The following ODAD2 variants were observed in gnomAD, a reference collection of about 807,000 sequenced individuals.
The protein encoded by ODAD2 is outer dynein arm docking complex subunit 2.
Under a neutral mutation model 106.8 loss-of-function variants are expected in ODAD2, and 89 were observed. The ratio of observed to expected loss-of-function variants is 0.83; its 90% CI spans 0.70 to 0.99. The LOEUF (loss-of-function observed/expected upper bound fraction) is 0.99, where lower values mean the gene tolerates loss of function less well. ODAD2 is among the 50% of genes least tolerant of loss of function. The pLI is 0.00. For synonymous variants in ODAD2, 404 were observed against 436.2 expected, an observed-to-expected ratio of 0.93 and a Z score of 0.92; for missense variants, 1,168 against 1,238.5, an observed-to-expected ratio of 0.94 and a Z score of 0.85.
chr10:27,939,437 C>T (rs1023198090), intron 14 of ODAD2, among the ~76,000 whole-genome samples: 13 of 152,052 alleles, frequency 8.5e-5, no homozygotes, highest in Non-Finnish European at 1.3e-4. Context: ...AAATGCAGGC[C>T]GGGCACGGTG....
intron 16 of ODAD2, among the ~76,000 whole-genome samples, chr10:27,919,907 A>C (rs1451492501): frequency 6.6e-6 from 1 of 152,126 alleles, no homozygotes; most frequent in Non-Finnish European, 1.5e-5. Flanking sequence ...AATTATGAAA[A>C]CTCACTAAAC....
rs200875268 is a variant in ODAD2 at position 27,971,203 on chromosome 10, C to G, written c.1047G>C (p.Arg349Ser). 2 of 1,613,952 alleles carry G rather than the reference C, an allele frequency of 1.2e-6. No individual in the cohort carries two copies. Among genetic ancestry groups the G allele is most frequent in the Non-Finnish European group, 1.7e-6 (2 of 1,179,928 alleles). Residue 349 changes from arginine (R) to serine (S), a missense_variant, in exon 8 of 20, where the codon AGG becomes AGC. Coordinates refer to ENST00000305242, the MANE Select transcript of ODAD2 (RefSeq NM_018076.5). ...AATTAATTTGGTTCTTCTCCAGTGA[C>G]CTTTTGTCTGAACCAGAAATGTCTT... The part of the protein sequence containing the change: ...LRKDISGSDK[R>S]SLEKNQINFW...
chr10:27,899,808 C>T (rs559603498), intron 17 of ODAD2, among the ~76,000 whole-genome samples: 74 of 152,188 alleles, frequency 4.9e-4, no homozygotes, highest in Non-Finnish European at 8.2e-4. Context: ...AAGGAAGCAG[C>T]TCCAGTCAGG....
rs2132900005 is a variant in ODAD2 at position 27,965,136 on chromosome 10, TAGTC to T, written c.1239-3425_1239-3422del. Among the ~76,000 whole-genome samples, 3 of 152,260 alleles carry T rather than the reference TAGTC, an allele frequency of 2.0e-5. No homozygotes were observed. The South Asian group carries it at 6.2e-4, about 32-fold the overall frequency. ...ATGATGGGACATAGGATGAAAGTGA[TAGTC>T]AGTCAATGTCAAAATTGTCAGTGAT... On this transcript the variant is annotated intron_variant, in intron 9 of 19. Transcript: ENST00000305242.
At chr10:27,924,614 G>GAAAAAAA (rs60226782) in intron 16 of ODAD2, among the ~76,000 whole-genome samples, 8 of 12,648 alleles carry the variant, frequency 6.3e-4, no homozygotes, top group African/African-American at 2.1e-3. Context: ...TGATTAGGAG[G>GAAAAAAA]AAAAAAAAAA....
intron 17 of ODAD2, among the ~76,000 whole-genome samples, chr10:27,880,981 T>C (rs1830984287): frequency 6.6e-6 from 1 of 152,144 alleles, no homozygotes; most frequent in African/African-American, 2.4e-5. Flanking sequence ...GTAAGTCCCA[T>C]AGTGAAAAAA....
At chr10:27,821,504 A>G (rs1836607934) in intron 19 of ODAD2, among the ~76,000 whole-genome samples, 1 of 152,208 alleles carries the variant, frequency 6.6e-6, no homozygotes, top group African/African-American at 2.4e-5. Flanking sequence ...TAAGGCACTA[A>G]TTTCTTTAAA....
At chr10:27,820,854 C>T (rs1836554274) in intron 19 of ODAD2, among the ~76,000 whole-genome samples, 1 of 146,032 alleles carries the variant, frequency 6.8e-6, no homozygotes, top group African/African-American at 2.6e-5. Context: ...GTGATCTCAG[C>T]TCACTGCAAC....
chr10:27,985,800 T>C (rs1360514654), intron 3 of ODAD2, among the ~76,000 whole-genome samples: 1 of 150,174 alleles, frequency 6.7e-6, no homozygotes, highest in Admixed American at 6.7e-5. Context: ...AATTTAATTA[T>C]ATATATATTA....
intron 17 of ODAD2, among the ~76,000 whole-genome samples, chr10:27,866,088 C>T (rs1382188193): frequency 6.6e-6 from 1 of 152,176 alleles, no homozygotes; most frequent in Non-Finnish European, 1.5e-5. Flanking sequence ...GTCTTCTATA[C>T]TGTCACTTTA....
At chr10:27,918,070 T>C (rs564708878) in intron 16 of ODAD2, among the ~76,000 whole-genome samples, 129 of 152,008 alleles carry the variant, frequency 8.5e-4, no homozygotes, top group Non-Finnish European at 1.4e-3. Context: ...AACTCCAACT[T>C]AGATAATTCT....
intron 17 of ODAD2, among the ~76,000 whole-genome samples, chr10:27,883,198 T>C (rs1286103464): frequency 1.3e-5 from 2 of 151,930 alleles, no homozygotes; most frequent in African/African-American, 4.8e-5. Context: ...GTAGTAATAT[T>C]AATGCACACA....
intron 16 of ODAD2, among the ~76,000 whole-genome samples, chr10:27,923,613 C>T (rs1844946853): frequency 6.6e-6 from 1 of 151,974 alleles, no homozygotes; most frequent in Non-Finnish European, 1.5e-5. Context: ...TAAAGTAGAT[C>T]TAGAGAATAC....
At chr10:27,991,010 T>C (rs1260361578) in intron 2 of ODAD2, among the ~76,000 whole-genome samples, 4 of 152,214 alleles carry the variant, frequency 2.6e-5, no homozygotes, top group African/African-American at 7.2e-5. Context: ...TGAGCGCTTA[T>C]CCAATTTATA....
intron 7 of ODAD2, among the ~76,000 whole-genome samples, 200 bp from the exon 8 acceptor site, chr10:27,971,513 C>T (rs1447760289): frequency 6.6e-6 from 1 of 152,146 alleles, no homozygotes; most frequent in African/African-American, 2.4e-5. Context: ...TGTTCCTAAA[C>T]TCACACCTCT....
At chr10:27,970,478 A>C (rs557726571) in intron 8 of ODAD2, among the ~76,000 whole-genome samples, 2 of 152,226 alleles carry the variant, frequency 1.3e-5, no homozygotes, top group Admixed American at 6.5e-5. Flanking sequence ...GTGTTTTATC[A>C]TCTTTTCTGC....
At chr10:27,989,909 A>G (rs1398335709) in intron 2 of ODAD2, among the ~76,000 whole-genome samples, 1 of 152,176 alleles carries the variant, frequency 6.6e-6, no homozygotes, top group African/African-American at 2.4e-5. Flanking sequence ...CAAGATTTTG[A>G]AGAGGAAGTT....
At chr10:27,961,429 A>G (rs1261555393) in intron 10 of ODAD2, 139 bp downstream of exon 10, 32 of 840,244 alleles carry the variant, frequency 3.8e-5, no homozygotes, top group East Asian at 3.5e-4. Context: ...CTTGCCCTGC[A>G]CAAACTTAGA....
Position 27,907,702 on chromosome 10 carries a change from G to T in ODAD2, c.2571C>A (p.Ser857Arg). The change falls in exon 17 of 20, where the codon AGC becomes AGA. Residue 857 changes from serine to arginine, a missense_variant. Transcript: ENST00000305242. ...LKNPHPDVKA[S>R]AAWALCPCIK... ...TGCATGGACAGAGTGCCCATGCTGC[G>T]CTGGCCTTCACGTCTGGGTGAGGAT... is the stretch of plus-strand genomic sequence containing the variant. 1.2e-6 allele frequency: 2 copies of T among 1,613,768 alleles called. No homozygotes were observed. Among genetic ancestry groups the T allele is most frequent in the Non-Finnish European group, 1.7e-6 (2 of 1,179,820 alleles).
Sources: allele counts gnomAD v4.1 joint callset (sites outside exome capture counted in the v4.1 genomes callset), GRCh38; gene constraint gnomAD v4.1.1; transcripts MANE v1.5; gene names NCBI Gene and HGNC (gene_info 2026-07-23, HGNC 2026-07-21).